The following CELF2 variants were observed in gnomAD, a reference collection of about 807,000 sequenced individuals.
CELF2 encodes the protein CUG triplet repeat RNA-binding protein 2.
A neutral mutation model predicts 62.6 loss-of-function variants in CELF2; 8 were observed. That is an observed-to-expected ratio of 0.13 (90% CI 0.07 to 0.23). The LOEUF (loss-of-function observed/expected upper bound fraction) is 0.23, where lower values mean the gene tolerates loss of function less well. Ranked by LOEUF, CELF2 falls within the 10% of genes least tolerant of loss-of-function variation. The pLI, the probability that CELF2 is intolerant of heterozygous loss-of-function variation, is 1.00. For synonymous variants in CELF2, 258 were observed against 250.0 expected (o/e 1.03, Z -0.30); for missense variants, 333 against 671.0 (o/e 0.50, Z 5.56).
the CELF2 span, among the ~76,000 whole-genome samples, chr10:10,681,525 G>A: frequency 8.5e-5 from 13 of 152,282 alleles, no homozygotes; most frequent in South Asian, 4.2e-4. Flanking sequence ...AAACAAGTGC[G>A]TATGGCTGTG....
At chr10:11,219,398 A>G (rs752287290) in intron 3 of CELF2, among the ~76,000 whole-genome samples, 16 of 152,232 alleles carry the variant, frequency 1.1e-4, no homozygotes, top group Non-Finnish European at 1.8e-4. Flanking sequence ...AAAATCCTGC[A>G]TGTAGAATTC....
chr10:10,742,105 G>A, the CELF2 span, among the ~76,000 whole-genome samples: 31 of 152,034 alleles, frequency 2.0e-4, no homozygotes, highest in Non-Finnish European at 7.3e-5. Flanking sequence ...CTCATTTAAG[G>A]TAATTGATAG....
At chr10:10,506,222 CT>C in the CELF2 span, among the ~76,000 whole-genome samples, 2 of 150,108 alleles carry the variant, frequency 1.3e-5, no homozygotes, top group Non-Finnish European at 3.0e-5. Flanking sequence ...GAGTCTCATG[CT>C]TTTTTTTGTT....
Position 11,105,932 on chromosome 10 carries a change from G to A in CELF2, c.75-59554G>A, listed in dbSNP as rs915588509. Among the ~76,000 whole-genome samples the A allele has an allele frequency of 3.9e-5, 6 of 152,320 alleles. No individual in the cohort carries two copies. The East Asian group carries it at 1.2e-3, about 29-fold the overall frequency. On this transcript the variant is annotated intron_variant, in intron 1 of 12. Coordinates refer to ENST00000633077, the MANE Select transcript of CELF2 (RefSeq NM_001326342.2). ...CACTTACTATCTGGCATTATATAGT[G>A]TCTGGTTCACTTAGAGATTCTTTGT... is the stretch of plus-strand genomic sequence containing the variant.
the CELF2 span, among the ~76,000 whole-genome samples, chr10:10,561,707 G>A: frequency 6.6e-6 from 1 of 152,194 alleles, no homozygotes; most frequent in African/African-American, 2.4e-5. Flanking sequence ...ATTAGAGGTG[G>A]GAGCCACTGT....
chr10:10,530,687 T>C, the CELF2 span, among the ~76,000 whole-genome samples: 1 of 152,220 alleles, frequency 6.6e-6, no homozygotes, highest in Admixed American at 6.5e-5. Flanking sequence ...AACATAAAAC[T>C]ATCACGTATT....
In CELF2 at chr10:10,995,050, G is replaced by T. The variant is rs2053814170; in HGVS notation, c.89+75051G>T. 6.6e-6 allele frequency among the ~76,000 whole-genome samples: 1 copy of T among 152,034 alleles called. No individual in the cohort carries two copies. Among genetic ancestry groups the T allele is most frequent in the Non-Finnish European group, 1.5e-5 (1 of 68,006 alleles). On this transcript the variant is annotated intron_variant, in intron 2 of 13. Coordinates refer to the CELF2 transcript ENST00000636488. This position sits in a 1 kb window ranked among gnomAD's most constrained non-coding sequence, Gnocchi z 4.7. Reference sequence around the variant, plus strand: ...CCTGCCCTTCCTTGGAGCTCTTGCGGCCCATAAAATCCCACAGCATTAGAC... The same window carrying T: ...CCTGCCCTTCCTTGGAGCTCTTGCGTCCCATAAAATCCCACAGCATTAGAC...
intron 9 of CELF2, among the ~76,000 whole-genome samples, chr10:11,298,930 A>T (rs376953895): frequency 1.3e-5 from 2 of 152,212 alleles, no homozygotes; most frequent in East Asian, 3.8e-4. Flanking sequence ...AGGTCCAATG[A>T]TATTTTTCTC....
At chr10:10,802,890 G>A (rs552017628) in intron 1 of CELF2, among the ~76,000 whole-genome samples, 1 of 152,070 alleles carries the variant, frequency 6.6e-6, no homozygotes, top group Non-Finnish European at 1.5e-5. Context: ...AGCTCAACAG[G>A]TTATAAACTC....
At position 11,319,935 on chromosome 10, in the gene CELF2, T is replaced by A; in HGVS notation, c.1097-1254T>A. The A allele has an allele frequency of 2.1e-6, 1 of 467,070 alleles. No individual in the cohort carries two copies. The highest frequency in any genetic ancestry group is 1.6e-5 in the South Asian group (1 of 64,364). 28.9% of individuals were successfully genotyped at this position (467,070 alleles called of 1,614,324 possible). ...CTCTGCTGCCGGATTCTCTGGTGTT[T>A]CCAGGCAGCCTTACCTTAGCTGTCC... is the stretch of plus-strand genomic sequence containing the variant. On this transcript the variant is annotated intron_variant, in intron 10 of 12. Coordinates refer to ENST00000633077, the MANE Select transcript of CELF2 (RefSeq NM_001326342.2). This position sits in a 1 kb window ranked among gnomAD's most constrained non-coding sequence, Gnocchi z 4.4.
At chr10:11,264,198 T>C (rs1000915793) in intron 5 of CELF2, among the ~76,000 whole-genome samples, 4 of 152,264 alleles carry the variant, frequency 2.6e-5, no homozygotes, top group Non-Finnish European at 5.9e-5. Flanking sequence ...GATTTGAGTT[T>C]ATAGAAACAG....
chr10:10,469,659 A>T, the CELF2 span, among the ~76,000 whole-genome samples: 7 of 151,792 alleles, frequency 4.6e-5, no homozygotes, highest in African/African-American at 7.3e-5. Context: ...AGTGTCATAA[A>T]ATTGGTTGGG....
chr10:10,989,753 T>A (rs967485015), intron 2 of CELF2, among the ~76,000 whole-genome samples: 3 of 152,232 alleles, frequency 2.0e-5, no homozygotes, highest in Admixed American at 2.0e-4. Flanking sequence ...AAATCTTTTT[T>A]AGGAATTAAA....
chr10:10,825,186 T>TG (rs2057284135), intron 1 of CELF2, among the ~76,000 whole-genome samples: 1 of 152,192 alleles, frequency 6.6e-6, no homozygotes, highest in African/African-American at 2.4e-5. Flanking sequence ...CGATTTTTTT[T>TG]GTTGTTGTTT....
chr10:10,888,063 G>A (rs141400066), intron 1 of CELF2, among the ~76,000 whole-genome samples: 368 of 152,310 alleles, frequency 2.4e-3, no homozygotes, highest in African/African-American at 8.5e-3. Flanking sequence ...GTGAGCCACC[G>A]CACCCAGCCT....
At chr10:11,093,537 T>C (rs2048922811) in intron 1 of CELF2, among the ~76,000 whole-genome samples, 1 of 152,224 alleles carries the variant, frequency 6.6e-6, no homozygotes, top group African/African-American at 2.4e-5. Flanking sequence ...AGCTCCGTAA[T>C]TGTAGCAAAT....
chr10:11,180,232 C>A (rs1197912042), intron 2 of CELF2, among the ~76,000 whole-genome samples: 1 of 152,170 alleles, frequency 6.6e-6, no homozygotes, highest in African/African-American at 2.4e-5. Flanking sequence ...AGATCAAATG[C>A]CACTTTCCCA....
At chr10:11,205,109 GTTCA>G (rs1210448668) in intron 2 of CELF2, among the ~76,000 whole-genome samples, 1 of 152,210 alleles carries the variant, frequency 6.6e-6, no homozygotes, top group African/African-American at 2.4e-5. Flanking sequence ...GTAAATGGAT[GTTCA>G]GAGTATTCAA....
chr10:10,994,651 G>A (rs984324184), intron 2 of CELF2, among the ~76,000 whole-genome samples: 1 of 152,182 alleles, frequency 6.6e-6, no homozygotes, highest in Non-Finnish European at 1.5e-5. Flanking sequence ...GATCTAGGTT[G>A]TATGCTCCTT....
Sources: gnomAD v4.1 joint callset for allele counts (sites outside exome capture counted in the v4.1 genomes callset) on GRCh38, gnomAD v4.1.1 for gene constraint, Gnocchi (gnomAD v3.1) non-coding constraint, MANE v1.5 for transcripts, NCBI Gene and HGNC (gene_info 2026-07-23, HGNC 2026-07-21) for gene names.